Variants in ROBO2 observed in about 807,000 individuals in gnomAD.
ROBO2 encodes the protein roundabout guidance receptor 2.
ROBO2 carries 53 observed loss-of-function variants against 160.8 expected under a neutral mutation model. That is an observed-to-expected ratio of 0.33 (90% CI 0.26 to 0.41). The LOEUF (loss-of-function observed/expected upper bound fraction) is 0.41, where lower values mean the gene tolerates loss of function less well. ROBO2 is among the 10% of genes least tolerant of loss of function. The pLI is 1.00. For missense variants in ROBO2, 1,577 were observed against 1,722.4 expected (o/e 0.92, Z 1.49); for synonymous variants, 664 against 611.7 (o/e 1.09, Z -1.26).
chr3:77,296,426 G>A (rs1489179222), intron 2 of ROBO2, among the ~76,000 whole-genome samples: 3 of 152,138 alleles, frequency 2.0e-5, no homozygotes, highest in East Asian at 1.9e-4. Context: ...CGGCTAAACC[G>A]TCAAACTGAG....
intron 2 of ROBO2, among the ~76,000 whole-genome samples, chr3:76,904,946 G>C (rs1324894171): frequency 6.7e-6 from 1 of 149,448 alleles, no homozygotes; most frequent in Non-Finnish European, 1.5e-5. Context: ...TGACAGTTAT[G>C]AAAGTATTAT....
At chr3:76,424,805 C>A (rs1559924198) in intron 2 of ROBO2, among the ~76,000 whole-genome samples, 2 of 152,076 alleles carry the variant, frequency 1.3e-5, no homozygotes, top group Non-Finnish European at 2.9e-5. Context: ...CATTAAACAT[C>A]CACAGCTTTT....
At chr3:77,355,324 C>T (rs566107802) in intron 2 of ROBO2, among the ~76,000 whole-genome samples, 36 of 152,238 alleles carry the variant, frequency 2.4e-4, no homozygotes, top group South Asian at 2.1e-3. Context: ...ATCTGTAGCC[C>T]TCTGAGTCTG....
At chr3:77,467,459 G>A (rs1009275367) in intron 2 of ROBO2, among the ~76,000 whole-genome samples, 3 of 152,098 alleles carry the variant, frequency 2.0e-5, no homozygotes, top group African/African-American at 7.2e-5. Flanking sequence ...TTTGTCTGAA[G>A]ACCCGAGGCC....
chr3:77,221,206 G>A (rs940339501), intron 2 of ROBO2, among the ~76,000 whole-genome samples: 1 of 152,168 alleles, frequency 6.6e-6, no homozygotes, highest in Non-Finnish European at 1.5e-5. Context: ...CTCTGCCAGT[G>A]CTGTGTGAGC....
intron 2 of ROBO2, among the ~76,000 whole-genome samples, chr3:76,230,974 A>G (rs964720067): frequency 3.9e-5 from 6 of 152,114 alleles, no homozygotes; most frequent in Non-Finnish European, 8.8e-5. Context: ...AACACCAAAG[A>G]TTACCAATAA....
At chr3:75,914,862 C>T (rs923605165) in intron 1 of ROBO2, among the ~76,000 whole-genome samples, 1 of 152,132 alleles carries the variant, frequency 6.6e-6, no homozygotes, top group Non-Finnish European at 1.5e-5. Flanking sequence ...GCACTTCCAC[C>T]GAGTTTTCAG....
intron 2 of ROBO2, among the ~76,000 whole-genome samples, chr3:77,324,809 C>G (rs1308115695): frequency 6.7e-6 from 1 of 149,098 alleles, no homozygotes; most frequent in East Asian, 2.0e-4. Context: ...AAAAAAGCTA[C>G]CATACTTTAC....
At chr3:77,555,544 T>C (rs2093083783) in intron 8 of ROBO2, among the ~76,000 whole-genome samples, 1 of 150,902 alleles carries the variant, frequency 6.6e-6, no homozygotes, top group African/African-American at 2.4e-5. Context: ...GACTTCCGCA[T>C]TAGTTCACTG....
intron 2 of ROBO2, among the ~76,000 whole-genome samples, chr3:77,142,309 C>G (rs1257912137): frequency 1.3e-5 from 2 of 152,052 alleles, no homozygotes; most frequent in Non-Finnish European, 2.9e-5. Flanking sequence ...ATATATGTTC[C>G]ATGTTGAATA....
chr3:77,406,857 T>G (rs1479519530), intron 2 of ROBO2, among the ~76,000 whole-genome samples: 5 of 152,204 alleles, frequency 3.3e-5, no homozygotes, highest in Non-Finnish European at 7.3e-5. Context: ...TGGAAGAAAA[T>G]GTACAGTACA....
intron 2 of ROBO2, among the ~76,000 whole-genome samples, chr3:76,208,602 C>T (rs1214651082): frequency 3.9e-5 from 6 of 152,088 alleles, no homozygotes; most frequent in African/African-American, 1.4e-4. Context: ...AAAGTAACTC[C>T]ATCTGAGAAA....
chr3:76,523,083 G>A (rs2081730032), intron 2 of ROBO2, among the ~76,000 whole-genome samples: 1 of 150,136 alleles, frequency 6.7e-6, no homozygotes, highest in Non-Finnish European at 1.5e-5. Context: ...TACTGCAAGT[G>A]GAAAATTTTG....
intron 2 of ROBO2, among the ~76,000 whole-genome samples, chr3:77,476,445 T>C (rs953625584): frequency 4.6e-5 from 7 of 151,986 alleles, no homozygotes; most frequent in Non-Finnish European, 1.0e-4. Flanking sequence ...GAACCAAACA[T>C]GTCGGTGTTG....
chr3:77,397,593 A>C (rs192155853), intron 2 of ROBO2, among the ~76,000 whole-genome samples: 3 of 152,230 alleles, frequency 2.0e-5, no homozygotes, highest in Admixed American at 2.0e-4. Flanking sequence ...CTGTGTATTT[A>C]CTAGCATCAT....
chr3:76,389,134 T>C (rs1224076079), intron 2 of ROBO2, among the ~76,000 whole-genome samples: 2 of 152,248 alleles, frequency 1.3e-5, no homozygotes. Flanking sequence ...TTGTACCTTA[T>C]ACATTGATTT....
chr3:76,035,189 C>T (rs1206070427), intron 2 of ROBO2, among the ~76,000 whole-genome samples: 3 of 143,050 alleles, frequency 2.1e-5, no homozygotes, highest in Non-Finnish European at 4.5e-5. Flanking sequence ...GTAAATATAT[C>T]TTTTTTTTTT....
rs148306912 is a variant in ROBO2 at position 77,292,836 on chromosome 3, T to G, written c.389-184578T>G. 6.6e-3 allele frequency among the ~76,000 whole-genome samples: 993 copies of G among 149,638 alleles called. 37 individuals carry two copies. Among genetic ancestry groups the G allele is most frequent in the Non-Finnish European group, 0.011 (755 of 67,024 alleles). ...CCAGATATAAAGTAAAACTGACGGT[T>G]AAACGGGTAAGCTGAGGCTAGATCA... On this transcript the variant is annotated intron_variant, in intron 2 of 25. Transcript: ENST00000461745.
At chr3:77,551,436 A>G (rs1197737905) in intron 8 of ROBO2, among the ~76,000 whole-genome samples, 1 of 152,072 alleles carries the variant, frequency 6.6e-6, no homozygotes, top group Non-Finnish European at 1.5e-5. Context: ...TTAATTATGC[A>G]TTCACTAAGT....
Sources: gnomAD v4.1 joint callset for allele counts (sites outside exome capture counted in the v4.1 genomes callset) on GRCh38, gnomAD v4.1.1 for gene constraint, MANE v1.5 for transcripts, NCBI Gene and HGNC (gene_info 2026-07-23, HGNC 2026-07-21) for gene names.